The following CDH12 variants were observed in gnomAD, a reference collection of about 807,000 sequenced individuals.
CDH12 encodes cadherin-12.
Under a neutral mutation model 74.1 loss-of-function variants are expected in CDH12, and 41 were observed. The observed-to-expected ratio is 0.55, with a 90% CI of 0.43 to 0.72. The LOEUF (loss-of-function observed/expected upper bound fraction) is 0.72, where lower values mean the gene tolerates loss of function less well. Ranked by LOEUF, CDH12 falls within the 30% of genes least tolerant of loss-of-function variation. CDH12 has a pLI of 0.00. For synonymous variants in CDH12, 399 were observed against 355.0 expected (o/e 1.12, Z -1.39); for missense variants, 945 against 977.2 (o/e 0.97, Z 0.44).
intron 2 of CDH12, among the ~76,000 whole-genome samples, chr5:22,442,062 T>C (rs1393903490): frequency 6.6e-6 from 1 of 152,174 alleles, no homozygotes. Flanking sequence ...TAAAGTAATA[T>C]AACAAAAGAA....
intron 1 of CDH12, among the ~76,000 whole-genome samples, chr5:22,815,491 C>T (rs918733112): frequency 2.6e-5 from 4 of 151,764 alleles, no homozygotes; most frequent in South Asian, 2.1e-4. Context: ...ATACATGGAC[C>T]GGGCGCAGTG....
At chr5:22,715,543 A>G (rs540309889) in intron 1 of CDH12, among the ~76,000 whole-genome samples, 1 of 152,248 alleles carries the variant, frequency 6.6e-6, no homozygotes, top group African/African-American at 2.4e-5. Context: ...TAGCAAATAC[A>G]TAGAAATACA....
chr5:22,466,902 C>T (rs1745754666), intron 2 of CDH12, among the ~76,000 whole-genome samples: 1 of 147,336 alleles, frequency 6.8e-6, no homozygotes, highest in East Asian at 2.1e-4. Context: ...AATTCTTCTG[C>T]CTCAGTCTCC....
At chr5:22,037,055 A>T (rs1489543599) in intron 5 of CDH12, among the ~76,000 whole-genome samples, 2 of 152,222 alleles carry the variant, frequency 1.3e-5, no homozygotes, top group South Asian at 2.1e-4. Context: ...CAAAATTTTT[A>T]AAATTAGAAA....
intron 1 of CDH12, among the ~76,000 whole-genome samples, chr5:22,614,236 G>A (rs1737568570): frequency 6.6e-6 from 1 of 152,034 alleles, no homozygotes; most frequent in Non-Finnish European, 1.5e-5. Flanking sequence ...CAATGAGGGC[G>A]AGATATCAAC....
intron 1 of CDH12, among the ~76,000 whole-genome samples, chr5:22,826,098 T>C (rs1377636172): frequency 2.0e-5 from 3 of 152,108 alleles, no homozygotes; most frequent in African/African-American, 7.2e-5. Flanking sequence ...CCAAATCTTA[T>C]CTTGTAGCTG....
chr5:21,925,728 C>A (rs575659773), intron 6 of CDH12, among the ~76,000 whole-genome samples: 1 of 151,960 alleles, frequency 6.6e-6, no homozygotes, highest in Admixed American at 6.6e-5. Flanking sequence ...TAGATATATG[C>A]AATAATTGAT....
intron 5 of CDH12, among the ~76,000 whole-genome samples, chr5:22,064,566 G>A (rs1252228054): frequency 6.6e-6 from 1 of 152,144 alleles, no homozygotes; most frequent in Admixed American, 6.6e-5. Context: ...GGGCAACAGA[G>A]ATATGTAGAA....
chr5:22,193,734 T>A (rs1750438328), intron 4 of CDH12, among the ~76,000 whole-genome samples: 1 of 151,716 alleles, frequency 6.6e-6, no homozygotes, highest in African/African-American at 2.4e-5. Context: ...GTAGTTGTTT[T>A]ATAGAAGAAA....
At chr5:21,919,142 T>A (rs982630528) in intron 6 of CDH12, among the ~76,000 whole-genome samples, 1 of 152,172 alleles carries the variant, frequency 6.6e-6, no homozygotes, top group Non-Finnish European at 1.5e-5. Flanking sequence ...TTACAAATTT[T>A]AAAAAATGCT....
Position 22,014,576 on chromosome 5 carries a change from G to C in CDH12, c.232-39191C>G, listed in dbSNP as rs570497862. On this transcript the variant is annotated intron_variant, in intron 5 of 14. Coordinates refer to ENST00000382254, the MANE Select transcript of CDH12 (RefSeq NM_004061.5). ...AGGTTAGGAATAATTGGTTCATTTA[G>C]GGTAGGGCAGATTTCACTTGCACTG... is the stretch of plus-strand genomic sequence containing the variant. Among the ~76,000 whole-genome samples, 5 of 152,138 alleles carry C rather than the reference G, an allele frequency of 3.3e-5. No homozygotes were observed. The South Asian group carries it at 1.0e-3, about 32-fold the overall frequency.
chr5:22,009,911 G>A lies in CDH12; in HGVS notation c.232-34526C>T, dbSNP rs1214519837. 3.2e-5 allele frequency among the ~76,000 whole-genome samples: 4 copies of A among 125,332 alleles called. No homozygotes were observed. The East Asian group carries it at 7.4e-4, about 23-fold the overall frequency. 82.2% of individuals were successfully genotyped at this position (125,332 alleles called of 152,430 possible). A position where few individuals can be genotyped will look rare whatever the true frequency, so the allele number is the denominator to read the frequency against. On this transcript the variant is annotated intron_variant, in intron 5 of 14. Coordinates refer to ENST00000382254, the MANE Select transcript of CDH12 (RefSeq NM_004061.5). Reference sequence around the variant, plus strand: ...GAGAATTGCTTGAACCTGGGAGGCAGAGGTTGCAGTGAGCCAAGAAACTGT... The same window carrying A: ...GAGAATTGCTTGAACCTGGGAGGCAAAGGTTGCAGTGAGCCAAGAAACTGT...
At chr5:22,442,851 T>C (rs1472852471) in intron 2 of CDH12, among the ~76,000 whole-genome samples, 1 of 152,144 alleles carries the variant, frequency 6.6e-6, no homozygotes, top group African/African-American at 2.4e-5. Context: ...GTTCGCAACT[T>C]GGGTATATAT....
rs183927833 is a variant in CDH12, at chr5:21,949,968, G to A, written c.526+25123C>T. Among the ~76,000 whole-genome samples, 4 of 152,176 alleles carry A rather than the reference G, an allele frequency of 2.6e-5. No homozygotes were observed. The East Asian group carries it at 5.8e-4, about 22-fold the overall frequency. On this transcript the variant is annotated intron_variant, in intron 6 of 14. Coordinates refer to ENST00000382254, the MANE Select transcript of CDH12 (RefSeq NM_004061.5). ...GTACAATGATGCCCTAGGCATTTACGCTCACTCACCACTTACTCACTAACT... is the reference window on the plus strand; with the variant it reads ...GTACAATGATGCCCTAGGCATTTACACTCACTCACCACTTACTCACTAACT...
At chr5:22,718,014 C>T (rs915719017) in intron 1 of CDH12, among the ~76,000 whole-genome samples, 8 of 152,170 alleles carry the variant, frequency 5.3e-5, no homozygotes, top group African/African-American at 1.9e-4. Flanking sequence ...GCCCGAGAAT[C>T]AGCTAATGCT....
chr5:21,823,220 A>G (rs1265057819), intron 8 of CDH12, among the ~76,000 whole-genome samples: 1 of 152,140 alleles, frequency 6.6e-6, no homozygotes, highest in Admixed American at 6.6e-5. Context: ...AAGTTACACA[A>G]TTCTATTCAA....
chr5:21,900,023 A>G (rs1753308637), intron 6 of CDH12, among the ~76,000 whole-genome samples: 2 of 152,186 alleles, frequency 1.3e-5, no homozygotes, highest in Admixed American at 6.5e-5. Context: ...CAGATTTTAT[A>G]TATCTAGCTA....
intron 1 of CDH12, among the ~76,000 whole-genome samples, chr5:22,697,404 T>G (rs1580897988): frequency 6.6e-6 from 1 of 151,980 alleles, no homozygotes; most frequent in African/African-American, 2.4e-5. Flanking sequence ...ACCCCGTCTC[T>G]ACTAAAAAAT....
chr5:22,143,839 G>A lies in CDH12; in HGVS notation c.-186-64977C>T, dbSNP rs540269775. 6.8e-4 allele frequency: 103 copies of A among 152,322 alleles called. 2 individuals are homozygous for A. The highest frequency in any genetic ancestry group is 2.3e-3 in the African/African-American group (97 of 41,520). 9.4% of individuals were successfully genotyped at this position (152,322 alleles called of 1,614,324 possible). A position where few individuals can be genotyped will look rare whatever the true frequency, so the allele number is the denominator to read the frequency against. ...TAGCGTCAGTGTCCTAATGCATATT[G>A]TGACTGTTTGCATATACTTCTGTTT... is the stretch of plus-strand genomic sequence containing the variant. On this transcript the variant is annotated intron_variant, in intron 4 of 14. Coordinates refer to ENST00000382254, the MANE Select transcript of CDH12 (RefSeq NM_004061.5).
Sources: allele counts gnomAD v4.1 joint callset (sites outside exome capture counted in the v4.1 genomes callset), GRCh38; gene constraint gnomAD v4.1.1; transcripts MANE v1.5; gene names NCBI Gene and HGNC (gene_info 2026-07-23, HGNC 2026-07-21).